Variants in CHRM3 observed in about 807,000 individuals in gnomAD.
CHRM3 encodes the protein muscarinic acetylcholine receptor M3.
In CHRM3, 11 loss-of-function variants were observed where a neutral mutation model predicts 41.8. The ratio of observed to expected loss-of-function variants is 0.26; its 90% CI spans 0.17 to 0.44. CHRM3 has a LOEUF of 0.44. Among genes scored for constraint, CHRM3 ranks in the 20% least tolerant of loss-of-function variants. The pLI, the probability that CHRM3 is intolerant of heterozygous loss-of-function variation, is 1.00. For missense variants in CHRM3, 571 were observed against 745.4 expected (o/e 0.77, Z 2.72); for synonymous variants, 297 against 301.4 (o/e 0.99, Z 0.15).
At chr1:239,888,900 G>A (rs1678297250) in intron 6 of CHRM3, among the ~76,000 whole-genome samples, 1 of 152,110 alleles carries the variant, frequency 6.6e-6, no homozygotes. Context: ...TGCAGACTGA[G>A]TAACCAAGCT....
intron 1 of CHRM3, among the ~76,000 whole-genome samples, chr1:239,411,151 G>A (rs1209994319): frequency 1.3e-5 from 2 of 152,084 alleles, no homozygotes; most frequent in Non-Finnish European, 2.9e-5. Context: ...GGAAGGAAAG[G>A]GAAGAAATAA....
intron 3 of CHRM3, among the ~76,000 whole-genome samples, chr1:239,570,143 T>C (rs1048208967): frequency 6.6e-5 from 10 of 152,060 alleles, no homozygotes; most frequent in African/African-American, 2.4e-4. Context: ...TAGGAGGTGA[T>C]TGGATCATGG....
chr1:239,480,743 A>G (rs1482194988), intron 1 of CHRM3, among the ~76,000 whole-genome samples: 1 of 151,928 alleles, frequency 6.6e-6, no homozygotes, highest in African/African-American at 2.4e-5. Flanking sequence ...CTTTTTTAGT[A>G]GAGACAGAGT....
intron 3 of CHRM3, among the ~76,000 whole-genome samples, chr1:239,563,315 A>G (rs1368567583): frequency 6.6e-6 from 1 of 152,154 alleles, no homozygotes; most frequent in Non-Finnish European, 1.5e-5. Flanking sequence ...ACCCCAAGTC[A>G]GGAAGACAAG....
chr1:239,483,280 G>C (rs569264207), intron 1 of CHRM3, among the ~76,000 whole-genome samples: 70 of 152,338 alleles, frequency 4.6e-4, no homozygotes, highest in Admixed American at 2.5e-3. Flanking sequence ...CCCAGTAGAA[G>C]ACTGTTAAGA....
intron 5 of CHRM3, among the ~76,000 whole-genome samples, chr1:239,699,273 T>C (rs1007509054): frequency 4.6e-5 from 7 of 151,836 alleles, no homozygotes; most frequent in Admixed American, 4.6e-4. Context: ...ACTCCCAGTG[T>C]GATGGTATTT....
At chr1:239,823,946 T>A (rs555908783) in intron 5 of CHRM3, among the ~76,000 whole-genome samples, 7 of 152,116 alleles carry the variant, frequency 4.6e-5, no homozygotes, top group Non-Finnish European at 8.8e-5. Context: ...ACGCTGACCT[T>A]TCACAAACAC....
At chr1:239,603,062 C>T (rs1396802633) in intron 3 of CHRM3, among the ~76,000 whole-genome samples, 2 of 151,098 alleles carry the variant, frequency 1.3e-5, no homozygotes, top group East Asian at 2.0e-4. Flanking sequence ...CTTTCTGTTT[C>T]TAAGAGTTCA....
At chr1:239,812,823 G>A (rs7550294) in intron 5 of CHRM3, among the ~76,000 whole-genome samples, 67,006 of 152,086 alleles carry the variant, frequency 0.44, 16,242 homozygotes, top group South Asian at 0.56. Context: ...TGAGGCACAA[G>A]GCTCAGAGGG....
At position 239,541,087 on chromosome 1, in the gene CHRM3, A is replaced by T. The variant is rs528652316; in HGVS notation, c.-421-4554A>T. 4.6e-4 allele frequency among the ~76,000 whole-genome samples: 70 copies of T among 152,262 alleles called. 1 individual carries two copies. Among genetic ancestry groups the T allele is most frequent in the African/African-American group, 1.6e-3 (68 of 41,540 alleles). On this transcript the variant is annotated intron_variant, in intron 2 of 6. Transcript: ENST00000676153. Reference sequence around the variant, plus strand: ...TAATTATAATATTGATGGAAAAAAAATTCTTAGTTGGGGCCAATGTCTGTG... The same window carrying T: ...TAATTATAATATTGATGGAAAAAAATTTCTTAGTTGGGGCCAATGTCTGTG...
intron 2 of CHRM3, among the ~76,000 whole-genome samples, chr1:239,531,675 T>G (rs1670423069): frequency 2.8e-5 from 3 of 106,098 alleles, no homozygotes; most frequent in East Asian, 2.8e-4. Flanking sequence ...TTTTTTTTTT[T>G]TGGAGGCAGA....
At chr1:239,740,597 G>A (rs375387411) in intron 5 of CHRM3, among the ~76,000 whole-genome samples, 1 of 151,976 alleles carries the variant, frequency 6.6e-6, no homozygotes, top group Non-Finnish European at 1.5e-5. Flanking sequence ...TTAGGTATTT[G>A]TCCTAATGCT....
chr1:239,395,716 A>G (rs943008507), intron 1 of CHRM3, among the ~76,000 whole-genome samples: 14 of 152,160 alleles, frequency 9.2e-5, no homozygotes, highest in Non-Finnish European at 1.5e-4. Context: ...CTGTGCTCAG[A>G]CCACACTGAG....
At chr1:239,581,243 G>T (rs1662871764) in intron 3 of CHRM3, among the ~76,000 whole-genome samples, 1 of 152,062 alleles carries the variant, frequency 6.6e-6, no homozygotes, top group Admixed American at 6.6e-5. Flanking sequence ...TTTATCTATA[G>T]ATTATAGAAA....
chr1:239,535,251 G>C (rs182703985), intron 2 of CHRM3, among the ~76,000 whole-genome samples: 1 of 152,064 alleles, frequency 6.6e-6, no homozygotes, highest in Non-Finnish European at 1.5e-5. Flanking sequence ...CAGAATCCAC[G>C]TACTGTGGAC....
intron 3 of CHRM3, among the ~76,000 whole-genome samples, chr1:239,569,701 TG>T (rs1409750311): frequency 5.9e-5 from 9 of 152,090 alleles, no homozygotes; most frequent in Non-Finnish European, 1.3e-4. Context: ...AATAAAATGT[TG>T]GTTTATGTCA....
At chr1:239,469,847 G>A (rs551456084) in intron 1 of CHRM3, among the ~76,000 whole-genome samples, 9 of 152,064 alleles carry the variant, frequency 5.9e-5, no homozygotes, top group South Asian at 2.1e-4. Flanking sequence ...ATGAGCCACC[G>A]CACTCTGACA....
intron 1 of CHRM3, among the ~76,000 whole-genome samples, chr1:239,486,568 G>C (rs536391542): frequency 1.3e-5 from 2 of 152,318 alleles, no homozygotes; most frequent in South Asian, 4.1e-4. Flanking sequence ...AGGTTCTGCA[G>C]GCCATATGAC....
At chr1:239,753,039 G>A (rs1421842146) in intron 5 of CHRM3, among the ~76,000 whole-genome samples, 1 of 152,094 alleles carries the variant, frequency 6.6e-6, no homozygotes, top group Non-Finnish European at 1.5e-5. Context: ...AACTATTTGG[G>A]TAATCTGCCT....
Sources: allele counts gnomAD v4.1 joint callset (sites outside exome capture counted in the v4.1 genomes callset), GRCh38; gene constraint gnomAD v4.1.1; transcripts MANE v1.5; gene names NCBI Gene and HGNC (gene_info 2026-07-23, HGNC 2026-07-21).